PTPRN2: variants seen among roughly 807,000 people sequenced by gnomAD.
PTPRN2 encodes the protein protein tyrosine phosphatase receptor type N2.
In PTPRN2, 74 loss-of-function variants were observed where a neutral mutation model predicts 118.8. The observed-to-expected ratio is 0.62, with a 90% confidence interval of 0.52 to 0.76. The LOEUF (loss-of-function observed/expected upper bound fraction) is 0.76. PTPRN2 is among the 30% of genes least tolerant of loss of function. The probability of loss-of-function intolerance (pLI) is 0.00; values close to 1 mark genes in which losing one functional copy is unlikely to be tolerated. For synonymous variants in PTPRN2, 641 were observed against 608.0 expected, an observed-to-expected ratio of 1.05 and a Z score of -0.80; for missense variants, 1,481 against 1,394.4, an observed-to-expected ratio of 1.06 and a Z score of -0.99.
intron 11 of PTPRN2, among the ~76,000 whole-genome samples, chr7:157,996,059 T>A (rs1227369709): frequency 6.6e-6 from 1 of 152,192 alleles, no homozygotes; most frequent in African/African-American, 2.4e-5. Flanking sequence ...TAAAAAAGGA[T>A]GAAGTCCTGT....
intron 11 of PTPRN2, among the ~76,000 whole-genome samples, chr7:157,958,798 G>T (rs747765339): frequency 6.6e-6 from 1 of 152,128 alleles, no homozygotes; most frequent in African/African-American, 2.4e-5. Context: ...CGTATTATAA[G>T]GCTCATTATT....
Position 158,192,457 on chromosome 7 carries a change from C to G in PTPRN2, c.419G>C (p.Ser140Thr), listed in dbSNP as rs3800855. ...KHSVGSERRY[S>T]REGGAALANA... is the part of the protein sequence containing the mutation. Reference sequence around the variant, plus strand: ...GGCCAGGGCAGCACCGCCCTCCCGACTGTACCTCCTCTCGCTGCCAACGCT... The same window carrying G: ...GGCCAGGGCAGCACCGCCCTCCCGAGTGTACCTCCTCTCGCTGCCAACGCT... The change falls in exon 5 of 23, where the codon AGT (serine) becomes ACT (threonine). Residue 140 changes from serine to threonine, a missense_variant. Coordinates refer to ENST00000389418, the MANE Select transcript of PTPRN2 (RefSeq NM_002847.5). The G allele has an allele frequency of 0.17, 261,620 of 1,575,344 alleles. 23,969 individuals are homozygous for G. Among genetic ancestry groups the G allele is most frequent in the African/African-American group, 0.35 (24,950 of 72,130 alleles).
At chr7:158,510,570 TCCTTTTGAACTC>T (rs1823106938) in intron 1 of PTPRN2, among the ~76,000 whole-genome samples, 1 of 152,216 alleles carries the variant, frequency 6.6e-6, no homozygotes, top group South Asian at 2.1e-4. Context: ...CTTCTTTGCA[TCCTTTTGAACTC>T]CCTCTTCTAT....
chr7:158,454,395 G>C (rs373445688), intron 2 of PTPRN2, among the ~76,000 whole-genome samples: 10 of 146,966 alleles, frequency 6.8e-5, no homozygotes, highest in Non-Finnish European at 1.5e-4. Flanking sequence ...TGAGGATTGG[G>C]GACAGTTGTT....
At chr7:158,215,094 A>T (rs1406396975) in intron 3 of PTPRN2, among the ~76,000 whole-genome samples, 2 of 152,384 alleles carry the variant, frequency 1.3e-5, no homozygotes, top group Admixed American at 1.3e-4. Context: ...ACCAGTTACG[A>T]TAAAAATGCT....
intron 11 of PTPRN2, among the ~76,000 whole-genome samples, chr7:157,924,009 T>C (rs1270928536): frequency 1.3e-5 from 2 of 152,160 alleles, no homozygotes; most frequent in Non-Finnish European, 2.9e-5. Context: ...ATACCGCTGT[T>C]TGGGAGACCC....
At chr7:158,262,305 TCACACACTGCACACACATTCA>T (rs1332991127) in intron 3 of PTPRN2, among the ~76,000 whole-genome samples, 1 of 146,658 alleles carries the variant, frequency 6.8e-6, no homozygotes, top group African/African-American at 2.5e-5. Context: ...GCACACACAT[TCACACACTGCACACACATTCA>T]CACACACTGC....
At chr7:158,191,011 G>T (rs544172846) in intron 5 of PTPRN2, among the ~76,000 whole-genome samples, 1 of 152,258 alleles carries the variant, frequency 6.6e-6, no homozygotes, top group African/African-American at 2.4e-5. Context: ...TGCACAGAAC[G>T]TGCCACCTTG....
intron 12 of PTPRN2, among the ~76,000 whole-genome samples, chr7:157,837,296 C>T (rs1808038789): frequency 6.6e-6 from 1 of 150,922 alleles, no homozygotes; most frequent in South Asian, 2.1e-4. Context: ...ACCACCTGTC[C>T]ACCCACCTGC....
intron 12 of PTPRN2, among the ~76,000 whole-genome samples, chr7:157,739,906 CAG>C (rs1251921859): frequency 1.3e-5 from 2 of 152,248 alleles, no homozygotes; most frequent in Non-Finnish European, 2.9e-5. Context: ...CCCAGCAAGA[CAG>C]AGCAGCTTTC....
chr7:157,743,488 C>T (rs1371993446), intron 12 of PTPRN2, among the ~76,000 whole-genome samples: 1 of 152,236 alleles, frequency 6.6e-6, no homozygotes, highest in Non-Finnish European at 1.5e-5. Flanking sequence ...TGTGACTCAT[C>T]CTTCCTCCAT....
chr7:158,376,946 C>T (rs13238626), intron 2 of PTPRN2, among the ~76,000 whole-genome samples: 152 of 7,230 alleles, frequency 0.021, 1 homozygote, highest in East Asian at 0.029. Context: ...CAGGGGACTC[C>T]CCCACAGCCC....
At chr7:157,804,423 T>C (rs932900211) in intron 12 of PTPRN2, among the ~76,000 whole-genome samples, 2 of 152,192 alleles carry the variant, frequency 1.3e-5, no homozygotes, top group African/African-American at 4.8e-5. Context: ...ACTGCAGTGG[T>C]GAACAACTCC....
At chr7:158,293,117 G>T (rs1800230390) in intron 3 of PTPRN2, among the ~76,000 whole-genome samples, 1 of 152,106 alleles carries the variant, frequency 6.6e-6, no homozygotes, top group African/African-American at 2.4e-5. Flanking sequence ...ACCATGAATG[G>T]AGCCTGCAGG....
intron 12 of PTPRN2, among the ~76,000 whole-genome samples, chr7:157,770,094 C>T (rs867161569): frequency 1.1e-4 from 16 of 152,358 alleles, no homozygotes; most frequent in Middle Eastern, 3.4e-3. Flanking sequence ...CCGCTGCCAC[C>T]GGCCCCGGTG....
intron 14 of PTPRN2, among the ~76,000 whole-genome samples, chr7:157,626,789 T>C (rs1464301937): frequency 6.6e-6 from 1 of 152,240 alleles, no homozygotes; most frequent in African/African-American, 2.4e-5. Flanking sequence ...AACATTTTAT[T>C]TTGATGATGG....
Position 158,244,712 on chromosome 7 carries a change from T to C in PTPRN2, c.278-39439A>G, listed in dbSNP as rs535683554. On this transcript the variant is annotated intron_variant, in intron 3 of 22. Coordinates refer to ENST00000389418, the MANE Select transcript of PTPRN2 (RefSeq NM_002847.5). The stretch of plus-strand genomic sequence containing the variant: ...AGTTGTGAGTGTGTGTGGTTGTGAG[T>C]TGTGTTAGAGTGAAAGTGTGTGTGT... Among the ~76,000 whole-genome samples, 20 of 136,536 alleles carry C rather than the reference T, an allele frequency of 1.5e-4. No homozygotes were observed. The South Asian group carries it at 4.6e-3, about 32-fold the overall frequency. The allele number at this position is 136,536 out of a possible 152,430, so 89.6% of individuals were successfully genotyped here.
chr7:157,946,461 A>G (rs1253442330), intron 11 of PTPRN2, among the ~76,000 whole-genome samples: 2 of 152,212 alleles, frequency 1.3e-5, no homozygotes, highest in Middle Eastern at 3.2e-3. Context: ...AAGACTCTGC[A>G]TGTCACCATG....
At chr7:157,949,399 A>C (rs1800678169) in intron 11 of PTPRN2, among the ~76,000 whole-genome samples, 2 of 152,230 alleles carry the variant, frequency 1.3e-5, no homozygotes, top group South Asian at 4.1e-4. Context: ...TCATTCATCT[A>C]TTCCCTATTT....
Sources: allele counts gnomAD v4.1 joint callset (sites outside exome capture counted in the v4.1 genomes callset), GRCh38; gene constraint gnomAD v4.1.1; transcripts MANE v1.5; gene names NCBI Gene and HGNC (gene_info 2026-07-23, HGNC 2026-07-21).